The following IKZF2 variants were observed in gnomAD, a reference collection of about 807,000 sequenced individuals.
IKZF2 encodes the protein IKAROS family zinc finger 2.
Under a neutral mutation model 49.2 loss-of-function variants are expected in IKZF2, and 15 were observed. That is an observed-to-expected ratio of 0.30 (90% CI 0.20 to 0.47). IKZF2 has a LOEUF of 0.47. IKZF2 is among the 20% of genes least tolerant of loss of function. The probability of loss-of-function intolerance (pLI) is 1.00; values close to 1 mark genes in which losing one functional copy is unlikely to be tolerated. For synonymous variants in IKZF2, 227 were observed against 221.4 expected, an observed-to-expected ratio of 1.03 and a Z score of -0.23; for missense variants, 567 against 664.6, an observed-to-expected ratio of 0.85 and a Z score of 1.61.
chr2:213,071,647 T>C (rs1319754282), intron 4 of IKZF2, among the ~76,000 whole-genome samples: 3 of 152,088 alleles, frequency 2.0e-5, no homozygotes, highest in Non-Finnish European at 2.9e-5. Context: ...GAAGGAGAAG[T>C]ATAAAGGCAC....
At chr2:213,140,528 A>T (rs1196995025) in intron 4 of IKZF2, among the ~76,000 whole-genome samples, 1 of 151,980 alleles carries the variant, frequency 6.6e-6, no homozygotes, top group Non-Finnish European at 1.5e-5. Context: ...TTTATTTATA[A>T]GGAAACAGGT....
At chr2:213,040,967 A>G (rs576737535) in intron 6 of IKZF2, among the ~76,000 whole-genome samples, 16 of 152,042 alleles carry the variant, frequency 1.1e-4, no homozygotes, top group African/African-American at 3.9e-4. Context: ...AAAATACAAA[A>G]ATTAGTTGGG....
At chr2:213,127,533 CGGTATTGATCAATTA>C (rs1451740394) in intron 4 of IKZF2, among the ~76,000 whole-genome samples, 20 of 152,240 alleles carry the variant, frequency 1.3e-4, no homozygotes, top group Admixed American at 6.5e-5. Flanking sequence ...TGATGTGATA[CGGTATTGATCAATTA>C]AGTTTGTAAT....
At chr2:213,097,960 C>A (rs760103078) in intron 4 of IKZF2, 3 of 303,614 alleles carry the variant, frequency 9.9e-6, no homozygotes, top group South Asian at 2.9e-5. Context: ...TGAAAAAGAC[C>A]CTATAAATTA....
intron 5 of IKZF2, among the ~76,000 whole-genome samples, chr2:213,053,355 T>C (rs994954119): frequency 6.6e-5 from 10 of 152,166 alleles, no homozygotes; most frequent in African/African-American, 1.7e-4. Flanking sequence ...GGTGAGATTA[T>C]ATATTATTTT....
At chr2:213,030,186 C>A (rs1160011572) in intron 6 of IKZF2, among the ~76,000 whole-genome samples, 1 of 151,926 alleles carries the variant, frequency 6.6e-6, no homozygotes, top group African/African-American at 2.4e-5. Context: ...TTGGTAGTTT[C>A]CCACGTTGTG....
Position 213,003,610 on chromosome 2 carries a change from A to C in IKZF2, c.*3750T>G, listed in dbSNP as rs558209088. 3 of 151,836 alleles carry C rather than the reference A, an allele frequency of 2.0e-5. No homozygotes were observed. The highest frequency in any genetic ancestry group is 7.2e-5 in the African/African-American group (3 of 41,512). The allele number at this position is 151,836 out of a possible 1,614,324, so 9.4% of individuals were successfully genotyped here. A position where few individuals can be genotyped will look rare whatever the true frequency, so the allele number is the denominator to read the frequency against. On this transcript the variant is annotated 3_prime_UTR_variant, in exon 9 of 9. Transcript: ENST00000434687. Reference sequence around the variant, plus strand: ...GCCCCGTCTGCTCTTTTTGTACCCTAAGAAATCATTTTGGAGATAGGATGA... The same window carrying C: ...GCCCCGTCTGCTCTTTTTGTACCCTCAGAAATCATTTTGGAGATAGGATGA...
chr2:213,056,497 C>T (rs1020459219), intron 5 of IKZF2: 4 of 395,756 alleles, frequency 1.0e-5, no homozygotes, highest in Non-Finnish European at 1.9e-5. Flanking sequence ...ATATTACCTG[C>T]CCATGGGTAT....
chr2:213,038,134 CACT>C (rs1699218389), intron 6 of IKZF2, among the ~76,000 whole-genome samples: 1 of 151,956 alleles, frequency 6.6e-6, no homozygotes, highest in Admixed American at 6.6e-5. Flanking sequence ...GATCTCTGTT[CACT>C]ACAAGCTCCG....
chr2:213,021,210 CT>C (rs1226300215), intron 7 of IKZF2, among the ~76,000 whole-genome samples: 1 of 150,040 alleles, frequency 6.7e-6, no homozygotes, highest in African/African-American at 2.5e-5. Context: ...GAGAGTCCAT[CT>C]CAAAAAAAAT....
rs1559152554 is a variant in IKZF2, at chr2:213,006,605, G to A, written c.*755C>T. The A allele has an allele frequency of 1.3e-5, 2 of 152,294 alleles. No individual in the cohort carries two copies. Among genetic ancestry groups the A allele is most frequent in the Admixed American group, 6.6e-5 (1 of 15,240 alleles). The allele number at this position is 152,294 out of a possible 1,614,324, so 9.4% of individuals were successfully genotyped here. The stretch of plus-strand genomic sequence containing the variant: ...CTACATAAAAATACTATTCCTTAAA[G>A]GTGTTAAAAGTAAGGCTGCCAGGGT... On this transcript the variant is annotated 3_prime_UTR_variant, in exon 9 of 9. Transcript: ENST00000434687.
intron 6 of IKZF2, among the ~76,000 whole-genome samples, chr2:213,042,795 A>G (rs1397789351): frequency 6.6e-6 from 1 of 152,144 alleles, no homozygotes; most frequent in Admixed American, 6.5e-5. Context: ...GAAAAATTAC[A>G]TGCTATTCAA....
At chr2:213,136,376 A>C (rs2060669847) in intron 4 of IKZF2, among the ~76,000 whole-genome samples, 2 of 115,020 alleles carry the variant, frequency 1.7e-5, no homozygotes, top group South Asian at 7.4e-4. Flanking sequence ...GTCTCAAAAA[A>C]AAAAAAAAAA....
chr2:213,084,315 G>C (rs2125591797), intron 4 of IKZF2, among the ~76,000 whole-genome samples: 1 of 152,198 alleles, frequency 6.6e-6, no homozygotes, highest in Non-Finnish European at 1.5e-5. Flanking sequence ...AAATTGTATA[G>C]ACTGTATGAA....
chr2:213,148,276 T>C (rs1373879965), intron 3 of IKZF2, among the ~76,000 whole-genome samples: 1 of 152,200 alleles, frequency 6.6e-6, no homozygotes, highest in African/African-American at 2.4e-5. Flanking sequence ...AAATATTTAG[T>C]ACACACCATA....
At chr2:213,057,146 T>TTTAAAA in intron 4 of IKZF2, 47 bp from the exon 5 acceptor site, 1 of 1,510,068 alleles carries the variant, frequency 6.6e-7, no homozygotes, top group Non-Finnish European at 9.0e-7. Flanking sequence ...ATGTTATGTA[T>TTTAAAA]TCTCACCTAC....
intron 6 of IKZF2, among the ~76,000 whole-genome samples, chr2:213,045,889 A>C (rs1700104171): frequency 6.6e-6 from 1 of 152,172 alleles, no homozygotes; most frequent in South Asian, 2.1e-4. Flanking sequence ...TTTTGAGAGC[A>C]GCCTGGGGCA....
intron 4 of IKZF2, among the ~76,000 whole-genome samples, chr2:213,078,741 C>A (rs1703562173): frequency 6.6e-6 from 1 of 152,162 alleles, no homozygotes; most frequent in Non-Finnish European, 1.5e-5. Context: ...TCTCATTTAT[C>A]TGTCTCATTA....
At chr2:213,114,803 G>A (rs779714687) in intron 4 of IKZF2, among the ~76,000 whole-genome samples, 21 of 151,776 alleles carry the variant, frequency 1.4e-4, no homozygotes, top group African/African-American at 3.6e-4. Flanking sequence ...ATGGTAGCGC[G>A]CGCCTGTAGT....
Sources: allele counts gnomAD v4.1 joint callset (sites outside exome capture counted in the v4.1 genomes callset), GRCh38; gene constraint gnomAD v4.1.1; transcripts MANE v1.5; gene names NCBI Gene and HGNC (gene_info 2026-07-23, HGNC 2026-07-21).